The following PLXNB1 variants were observed in gnomAD, a reference collection of about 807,000 sequenced individuals.
The protein encoded by PLXNB1 is plexin-B1.
A neutral mutation model predicts 209.4 loss-of-function variants in PLXNB1; 106 were observed. The ratio of observed to expected loss-of-function variants is 0.51; its 90% CI spans 0.43 to 0.59. PLXNB1 has a LOEUF of 0.59. Among genes scored for constraint, PLXNB1 ranks in the 20% least tolerant of loss-of-function variants. The probability of loss-of-function intolerance (pLI) is 0.00; values close to 1 mark genes in which losing one functional copy is unlikely to be tolerated. For synonymous variants in PLXNB1, 1,167 were observed against 1,183.2 expected (o/e 0.99, Z 0.28); for missense variants, 2,357 against 2,853.2 (o/e 0.83, Z 3.96).
In PLXNB1 at chr3:48,424,550, T is replaced by C; in HGVS notation, c.62A>G (p.Gln21Arg). 1 of 1,571,320 alleles carries C rather than the reference T, an allele frequency of 6.4e-7. No individual in the cohort carries two copies. Among genetic ancestry groups the C allele is most frequent in the Non-Finnish European group, 8.6e-7 (1 of 1,160,218 alleles). Residue 21 changes from glutamine to arginine, a missense_variant, in exon 3 of 38, where the codon CAG becomes CGG. Coordinates refer to ENST00000296440, the MANE Select transcript of PLXNB1 (RefSeq NM_001130082.3). ...AGTGAATGCAGTTGGTGGAAGGGGC[T>C]GGAGGGTGAGGACCCACCCGGCCCA... ...ALWAGWVLTL[Q>R]PLPPTAFTPN...
chr3:48,404,612 T>C (rs1157205692), intron 37 of PLXNB1, 22 bp from the exon 38 acceptor site: 1 of 1,535,408 alleles, frequency 6.5e-7, no homozygotes, highest in African/African-American at 1.4e-5. Context: ...ACCAATGCCA[T>C]CAGGGGAGAC....
rs1437438490 is a variant in PLXNB1, at chr3:48,415,238, G to A, written c.3904C>T (p.Arg1302Trp). ...RMLQPSQGLG[R>W]RRRVVPETAC... ...GTCTCCGGGACCACGCGACGCCTCC[G>A]TCCAAGCCCCTGGCTGGGCTGCAGC... The change falls in exon 20 of 38, where the codon CGG becomes TGG. Residue 1302 changes from arginine to tryptophan, a missense_variant. This residue lies in a region of PLXNB1 where 743 missense variants were observed against 896.2 expected (regional missense o/e 0.83). Coordinates refer to ENST00000296440, the MANE Select transcript of PLXNB1 (RefSeq NM_001130082.3). The surrounding 1 kb of genome is among the most constrained non-coding windows in gnomAD (Gnocchi z 5.0). 8.1e-6 allele frequency: 13 copies of A among 1,613,366 alleles called. No homozygotes were observed. Among genetic ancestry groups the A allele is most frequent in the African/African-American group, 2.7e-5 (2 of 74,912 alleles).
Position 48,409,189 on chromosome 3 carries a change from C to T in PLXNB1, c.6087+140G>A, listed in dbSNP as rs573826290. Reference sequence around the variant, plus strand: ...TCATCCCTTAAAACTGAGGTGGCCCCGGGATGAAGCCTTGGCTTGGGAGGT... The same window carrying T: ...TCATCCCTTAAAACTGAGGTGGCCCTGGGATGAAGCCTTGGCTTGGGAGGT... On this transcript the variant is annotated intron_variant, in intron 34 of 37. Transcript: ENST00000296440. The surrounding 1 kb of genome is among the most constrained non-coding windows in gnomAD (Gnocchi z 5.8). 5.5e-5 allele frequency: 52 copies of T among 950,054 alleles called. No individual in the cohort carries two copies. Among genetic ancestry groups the T allele is most frequent in the East Asian group, 5.3e-4 (20 of 37,926 alleles). The allele number at this position is 950,054 out of a possible 1,614,324, so 58.9% of individuals were successfully genotyped here.
chr3:48,404,360 G>A lies in PLXNB1; in HGVS notation c.*126C>T. 3.2e-6 allele frequency: 2 copies of A among 626,252 alleles called. No homozygotes were observed. Among genetic ancestry groups the A allele is most frequent in the Non-Finnish European group, 5.6e-6 (2 of 359,748 alleles). 38.8% of individuals were successfully genotyped at this position (626,252 alleles called of 1,614,324 possible). ...CCGAGGCCAGAGCCACCAGGAGACT[G>A]GGAGTCACCTTCCACTAACTCTGCT... On this transcript the variant is annotated 3_prime_UTR_variant, in exon 38 of 38. Transcript: ENST00000296440.
At position 48,404,520 on chromosome 3, in the gene PLXNB1, G is replaced by A; in HGVS notation, c.6374C>T (p.Ala2125Val). The A allele has an allele frequency of 6.2e-7, 1 of 1,612,914 alleles. No individual in the cohort carries two copies. Among genetic ancestry groups the A allele is most frequent in the African/African-American group, 1.3e-5 (1 of 75,016 alleles). The change falls in exon 38 of 38, where the codon GCA becomes GTA. Residue 2125 changes from alanine to valine, a missense_variant. Physicochemically the swap from Ala to Val is moderately conservative, Grantham distance 64 (BLOSUM62 0). This residue lies in a region of PLXNB1 where 414 missense variants were observed against 520.5 expected (regional missense o/e 0.80). Transcript: ENST00000296440. ...TGTGACCTTGTTTTCCACAGCAGCT[G>A]CAATCTGCTGGAGCCGATAGCCCAG... ...MQLGYRLQQI[A>V]AAVENKVTDL
rs1383898956 is a variant in PLXNB1 at position 48,420,023 on chromosome 3, G to C, written c.2263C>G (p.Leu755Val). The C allele has an allele frequency of 3.1e-6, 5 of 1,607,776 alleles. No homozygotes were observed. In the East Asian group the frequency reaches 8.9e-5, roughly 29 times the overall value. Reference sequence around the variant, plus strand: ...CTGGGAGGGGAGGGCTCCTCATGGAGAGGCGACCCTGTGGAGCCAGGGGAA... The same window carrying C: ...CTGGGAGGGGAGGGCTCCTCATGGACAGGCGACCCTGTGGAGCCAGGGGAA... ...ISSPGSTGSP[L>V]HEEPSPPSPQ... The change falls in exon 11 of 38, where the codon CTC becomes GTC. Residue 755 changes from leucine to valine, a missense_variant. Transcript: ENST00000296440.
At position 48,405,360 on chromosome 3, in the gene PLXNB1, C is replaced by A. The variant is rs1011350038; in HGVS notation, c.6303+364G>T. On this transcript the variant is annotated intron_variant, in intron 37 of 37. Transcript: ENST00000296440. This position sits in a 1 kb window ranked among gnomAD's most constrained non-coding sequence, Gnocchi z 5.0. Reference sequence around the variant, plus strand: ...GGCCCTGTGCCTGGACTCTCCTCTTCGCAGCTCATGCAGCCAAGCCAGGCC... The same window carrying A: ...GGCCCTGTGCCTGGACTCTCCTCTTAGCAGCTCATGCAGCCAAGCCAGGCC... Among the ~76,000 whole-genome samples the A allele has an allele frequency of 6.6e-6, 1 of 152,204 alleles. No individual in the cohort carries two copies. The highest frequency in any genetic ancestry group is 1.5e-5 in the Non-Finnish European group (1 of 68,030).
At chr3:48,422,051 T>C in intron 6 of PLXNB1, 54 bp downstream of exon 6, 3 of 1,493,134 alleles carry the variant, frequency 2.0e-6, no homozygotes, top group Non-Finnish European at 2.8e-6. Flanking sequence ...AGGACAATTA[T>C]GCAGGAGCAT....
rs556198840 is a variant in PLXNB1, at chr3:48,415,643, T to A, written c.3734A>T (p.Gln1245Leu). 1 of 1,579,564 alleles carries A rather than the reference T, an allele frequency of 6.3e-7. No individual in the cohort carries two copies. The highest frequency in any genetic ancestry group is 8.6e-7 in the Non-Finnish European group (1 of 1,162,394). Residue 1245 changes from glutamine (Q) to leucine (L), a missense_variant, in exon 19 of 38, where the codon CAG becomes CTG. By Grantham distance (113) the Gln-to-Leu change is moderately radical (BLOSUM62 -2). Around this residue, in one of 7 missense-constraint regions of PLXNB1, gnomAD observed 743 missense variants for 896.2 expected, o/e 0.83. Transcript: ENST00000296440. The surrounding 1 kb of genome is among the most constrained non-coding windows in gnomAD (Gnocchi z 5.0). ...GTTGGGGTCCAAGGTATACTTGAAC[T>A]GTCCGCGTTGAAGCCTCCGCTCCGT... Reference protein sequence around the residue: ...GATERRLQRGQFKYTLDPNIT... With the variant: ...GATERRLQRGLFKYTLDPNIT...
intron 21 of PLXNB1, 91 bp from the exon 22 acceptor site, chr3:48,414,162 C>T (rs2037907915): frequency 7.7e-7 from 1 of 1,298,822 alleles, no homozygotes; most frequent in African/African-American, 1.5e-5. Flanking sequence ...GACCCAGCCG[C>T]AGCAGCAAAG....
At position 48,415,170 on chromosome 3, in the gene PLXNB1, T is replaced by A. The variant is rs917678194; in HGVS notation, c.3966+6A>T. On this transcript the variant is annotated splice_donor_region_variant and intron_variant, in intron 20 of 37. Transcript: ENST00000296440. The surrounding 1 kb of genome is among the most constrained non-coding windows in gnomAD (Gnocchi z 5.0). ...GAGAGTGTGGGGGTACCCAAGGGTG[T>A]CCTACTTGCTGGCTACTGCAGGAGG... 2 of 1,610,264 alleles carry A rather than the reference T, an allele frequency of 1.2e-6. No individual in the cohort carries two copies. Among genetic ancestry groups the A allele is most frequent in the Admixed American group, 1.7e-5 (1 of 59,932 alleles).
rs751848979 is a variant in PLXNB1, at chr3:48,418,441, T to C, written c.3049+8A>G. 2 of 1,613,014 alleles carry C rather than the reference T, an allele frequency of 1.2e-6. No individual in the cohort carries two copies. Among genetic ancestry groups the C allele is most frequent in the South Asian group, 2.2e-5 (2 of 91,014 alleles). On this transcript the variant is annotated splice_region_variant and intron_variant, in intron 14 of 37. Coordinates refer to ENST00000296440, the MANE Select transcript of PLXNB1 (RefSeq NM_001130082.3). The surrounding 1 kb of genome is among the most constrained non-coding windows in gnomAD (Gnocchi z 6.6). ...CACCGCCAGCCCAGCAGCCCGCAGG[T>C]GGCTCACCATGCAGCCCCTCAGCAC...
rs939029656 is a variant in PLXNB1 at position 48,430,075 on chromosome 3, C to G, written c.-127G>C. The G allele has an allele frequency of 6.5e-6, 1 of 152,828 alleles. No homozygotes were observed. The highest frequency in any genetic ancestry group is 2.4e-5 in the African/African-American group (1 of 41,466). 9.5% of individuals were successfully genotyped at this position (152,828 alleles called of 1,614,324 possible). A position where few individuals can be genotyped will look rare whatever the true frequency, so the allele number is the denominator to read the frequency against. ...CTGCCCACCGCCCCTGCTCACCGCC[C>G]CTGCTCCCACTACTCCCCAACAGCC... On this transcript the variant is annotated 5_prime_UTR_variant, in exon 1 of 38. Coordinates refer to ENST00000296440, the MANE Select transcript of PLXNB1 (RefSeq NM_001130082.3).
At chr3:48,423,420 C>A in intron 3 of PLXNB1, 85 bp downstream of exon 3, 2 of 1,447,332 alleles carry the variant, frequency 1.4e-6, no homozygotes, top group East Asian at 2.3e-5. Context: ...CAGCTGCCCT[C>A]GGACTCTCTG....
chr3:48,424,225 C>T lies in PLXNB1; in HGVS notation c.387G>A (p.Gln129=), dbSNP rs765287177. Residue 129 remains glutamine, a synonymous_variant, in exon 3 of 38, where the codon CAG becomes CAA. Transcript: ENST00000296440. The stretch of plus-strand genomic sequence containing the variant: ...CAGGCCGCTCTGGCCGCAGCAGCAG[C>T]TGCTCGAGCTGCCCCAGGCGCCGCT... The part of the protein sequence containing the change: ...CEQRRLGQLE[Q]LLLRPERPGD... 5 of 1,601,298 alleles carry T rather than the reference C, an allele frequency of 3.1e-6. No individual in the cohort carries two copies. Among genetic ancestry groups the T allele is most frequent in the Non-Finnish European group, 4.3e-6 (5 of 1,172,912 alleles).
rs369432147 is a variant in PLXNB1 at position 48,406,991 on chromosome 3, C to T, written c.6152+36G>A. The T allele has an allele frequency of 1.1e-5, 17 of 1,610,514 alleles. No homozygotes were observed. The highest frequency in any genetic ancestry group is 4.4e-5 in the South Asian group (4 of 91,010). On this transcript the variant is annotated intron_variant, in intron 35 of 37. Transcript: ENST00000296440. This position sits in a 1 kb window ranked among gnomAD's most constrained non-coding sequence, Gnocchi z 4.4. ...CCACCCCCCAAGCCTCAGCTGCACA[C>T]GCCCTCCAACCTCTACCCACCGTGC...
Position 48,416,327 on chromosome 3 carries a change from T to C in PLXNB1, c.3480+19A>G, listed in dbSNP as rs776947189. 6.3e-7 allele frequency: 1 copy of C among 1,592,922 alleles called. No individual in the cohort carries two copies. ...AGGTTGGCCCGCTGGCAGCTGGGGG[T>C]GGCTCAGCAGTCAGGTACCTGGTAG... On this transcript the variant is annotated intron_variant, in intron 17 of 37. Coordinates refer to ENST00000296440, the MANE Select transcript of PLXNB1 (RefSeq NM_001130082.3). This position sits in a 1 kb window ranked among gnomAD's most constrained non-coding sequence, Gnocchi z 4.1.
At position 48,417,782 on chromosome 3, in the gene PLXNB1, A is replaced by C. The variant is rs1366447979; in HGVS notation, c.3374+129T>G. On this transcript the variant is annotated intron_variant, in intron 16 of 37. Transcript: ENST00000296440. This position sits in a 1 kb window ranked among gnomAD's most constrained non-coding sequence, Gnocchi z 4.4. ...TCAGTGGCAACGCTGGCACTCGGGC[A>C]TTGTGGCCAGGATCAAGGAACAGGG... is the stretch of plus-strand genomic sequence containing the variant. 9 of 1,033,834 alleles carry C rather than the reference A, an allele frequency of 8.7e-6. No individual in the cohort carries two copies. Among genetic ancestry groups the C allele is most frequent in the Non-Finnish European group, 1.3e-5 (9 of 707,604 alleles). The allele number at this position is 1,033,834 out of a possible 1,614,324, so 64.0% of individuals were successfully genotyped here.
rs1452118152 is a variant in PLXNB1 at position 48,419,253 on chromosome 3, G to T, written c.2823C>A (p.His941Gln). 1 of 1,581,066 alleles carries T rather than the reference G, an allele frequency of 6.3e-7. No homozygotes were observed. The highest frequency in any genetic ancestry group is 8.6e-7 in the Non-Finnish European group (1 of 1,160,940). ...GGCAGGACACACTGACCTGGAAAAG[G>T]TGCAGGTTCCTGCCTAGCAGCCGGA... ...REIRLLGRNLHLFQDGPGDNE... is the reference protein window; with the variant it reads ...REIRLLGRNLQLFQDGPGDNE... Residue 941 changes from histidine to glutamine, a missense_variant, in exon 12 of 38, where the codon CAC becomes CAA. Coordinates refer to ENST00000296440, the MANE Select transcript of PLXNB1 (RefSeq NM_001130082.3). This position sits in a 1 kb window ranked among gnomAD's most constrained non-coding sequence, Gnocchi z 5.7.
Sources: allele counts gnomAD v4.1 joint callset (sites outside exome capture counted in the v4.1 genomes callset), GRCh38; gene constraint gnomAD v4.1.1; regional missense constraint gnomAD v4.1.1; non-coding constraint Gnocchi (gnomAD v3.1); transcripts MANE v1.5; gene names NCBI Gene and HGNC (gene_info 2026-07-23, HGNC 2026-07-21).